COX8C: variants seen among roughly 807,000 people sequenced by gnomAD.
The protein encoded by COX8C is cytochrome c oxidase subunit 8C, mitochondrial.
In COX8C, 3 loss-of-function variants were observed where a neutral mutation model predicts 3.5. The observed-to-expected ratio is 0.86, with a 90% CI of 0.39 to 2.24. COX8C has a LOEUF of 2.24. Among genes scored for constraint, COX8C ranks in the 30% most tolerant of loss-of-function variants. COX8C has a pLI of 0.05. For synonymous variants in COX8C, 46 were observed against 44.1 expected (o/e 1.04, Z -0.17); for missense variants, 113 against 102.5 (o/e 1.10, Z -0.44).
chr14:93,347,416 A>C, intron 1 of COX8C, 22 bp downstream of exon 1: 2 of 1,473,044 alleles, frequency 1.4e-6, no homozygotes. Flanking sequence ...CCCAGCCATC[A>C]TGGTGGGCGG....
Position 93,347,340 on chromosome 14 carries a change from C to T in COX8C, c.72C>T (p.Pro24=), listed in dbSNP as rs756228388. ...YRRLALLGLQ[P]APRFAHSGPP... ...GCTTGGCCCTGCTCGGCCTGCAGCC[C>T]GCTCCCCGCTTCGCCCACTCGGGGC... The change falls in exon 1 of 2, where the codon CCC becomes CCT. Residue 24 remains proline (P), a synonymous_variant. Transcript: ENST00000342144. 8.1e-6 allele frequency: 13 copies of T among 1,599,632 alleles called. No homozygotes were observed. The highest frequency in any genetic ancestry group is 9.3e-6 in the Non-Finnish European group (11 of 1,176,998).
intron 1 of COX8C, 50 bp downstream of exon 1, chr14:93,347,444 C>T (rs1457159209): frequency 7.9e-6 from 11 of 1,400,930 alleles, no homozygotes; most frequent in Non-Finnish European, 1.0e-5. Flanking sequence ...GTGGCCCTGG[C>T]GGGGCGCCCC....
Position 93,348,349 on chromosome 14 carries a change from C to T in COX8C, c.*229C>T. The T allele has an allele frequency of 2.1e-6, 1 of 474,018 alleles. No homozygotes were observed. The allele number at this position is 474,018 out of a possible 1,614,324, so 29.4% of individuals were successfully genotyped here. A position where few individuals can be genotyped will look rare whatever the true frequency, so the allele number is the denominator to read the frequency against. On this transcript the variant is annotated 3_prime_UTR_variant, in exon 2 of 2. Transcript: ENST00000342144. ...AATAAAACGGAAACACTTATTCGTGCTTGGTAATATGTGTGCAGATTATTT... is the reference window on the plus strand; with the variant it reads ...AATAAAACGGAAACACTTATTCGTGTTTGGTAATATGTGTGCAGATTATTT...
At chr14:93,347,501 AG>A (rs2053879812) in intron 1 of COX8C, 107 bp downstream of exon 1, 1 of 1,268,002 alleles carries the variant, frequency 7.9e-7, no homozygotes, top group Non-Finnish European at 1.0e-6. Context: ...CTCGCGTGGG[AG>A]GCTCTTGTGG....
At position 93,348,032 on chromosome 14, in the gene COX8C, T is replaced by C; in HGVS notation, c.131T>C (p.Met44Thr). Residue 44 changes from methionine to threonine, a missense_variant, in exon 2 of 2, where the codon ATG becomes ACG. Coordinates refer to ENST00000342144, the MANE Select transcript of COX8C (RefSeq NM_182971.3). The part of the protein sequence containing the change: ...PRQRPLSAAE[M>T]AVGLVVFFTT... The stretch of plus-strand genomic sequence containing the variant: ...GCGTGTCATCTTCTCTTCCAGGAAA[T>C]GGCTGTTGGACTTGTGGTGTTTTTT... 1 of 1,604,872 alleles carries C rather than the reference T, an allele frequency of 6.2e-7. No homozygotes were observed. Among genetic ancestry groups the C allele is most frequent in the Non-Finnish European group, 8.5e-7 (1 of 1,171,538 alleles).
chr14:93,347,375 A>T lies in COX8C; in HGVS notation c.107A>T (p.Gln36Leu), dbSNP rs1198380771. 6.7e-7 allele frequency: 1 copy of T among 1,484,440 alleles called. No homozygotes were observed. Among genetic ancestry groups the T allele is most frequent in the South Asian group, 1.2e-5 (1 of 85,906 alleles). The allele number at this position is 1,484,440 out of a possible 1,614,324, so 92.0% of individuals were successfully genotyped here. The change falls in exon 1 of 2, where the codon CAG (glutamine) becomes CTG (leucine). Residue 36 changes from glutamine (Q) to leucine (L), a missense_variant. Gln to Leu is a moderately radical substitution (Grantham distance 113). Coordinates refer to ENST00000342144, the MANE Select transcript of COX8C (RefSeq NM_182971.3). ...TTCGCCCACTCGGGGCCCCCGCGCC[A>T]GCGGCCCCTGTCTGCCGCGGTGAGT... ...PRFAHSGPPR[Q>L]RPLSAAEMAV...
intron 1 of COX8C, among the ~76,000 whole-genome samples, 162 bp from the exon 2 acceptor site, chr14:93,347,866 T>A (rs2295704): frequency 0.16 from 24,755 of 151,784 alleles, 2,204 homozygotes; most frequent in East Asian, 0.31. Context: ...AAAAATCAGG[T>A]GATCCATGAA....
At position 93,348,021 on chromosome 14, in the gene COX8C, C is replaced by T. The variant is rs918785256; in HGVS notation, c.127-7C>T. On this transcript the variant is annotated splice_region_variant and splice_polypyrimidine_tract_variant and intron_variant, in intron 1 of 1. Coordinates refer to ENST00000342144, the MANE Select transcript of COX8C (RefSeq NM_182971.3). ...TACTCAGCAGCGCGTGTCATCTTCT[C>T]TTCCAGGAAATGGCTGTTGGACTTG... The T allele has an allele frequency of 2.5e-6, 4 of 1,590,994 alleles. No homozygotes were observed. In the African/African-American group the frequency reaches 4.0e-5, roughly 16 times the overall value.
rs2053907553 is a variant in COX8C at position 93,348,172 on chromosome 14, G to T, written c.*52G>T. 20 of 1,189,020 alleles carry T rather than the reference G, an allele frequency of 1.7e-5. No individual in the cohort carries two copies. Among genetic ancestry groups the T allele is most frequent in the Non-Finnish European group, 2.4e-5 (19 of 796,476 alleles). The allele number at this position is 1,189,020 out of a possible 1,614,324, so 73.7% of individuals were successfully genotyped here. A position where few individuals can be genotyped will look rare whatever the true frequency, so the allele number is the denominator to read the frequency against. ...AACGTCCAAAAAACTTTCAGAAAAAGCTGTGTTTTTGTTAACGAGCAAAAT... is the reference window on the plus strand; with the variant it reads ...AACGTCCAAAAAACTTTCAGAAAAATCTGTGTTTTTGTTAACGAGCAAAAT... On this transcript the variant is annotated 3_prime_UTR_variant, in exon 2 of 2. Transcript: ENST00000342144.
intron 1 of COX8C, 88 bp downstream of exon 1, chr14:93,347,482 C>A: frequency 7.5e-7 from 1 of 1,336,860 alleles, no homozygotes; most frequent in Admixed American, 3.5e-5. Flanking sequence ...GAGGACACGG[C>A]GTGCAGGCCT....
rs769596880 is a variant in COX8C, at chr14:93,348,158, A to G, written c.*38A>G. The G allele has an allele frequency of 7.8e-7, 1 of 1,290,136 alleles. No individual in the cohort carries two copies. The highest frequency in any genetic ancestry group is 1.1e-6 in the Non-Finnish European group (1 of 888,456). The allele number at this position is 1,290,136 out of a possible 1,614,324, so 79.9% of individuals were successfully genotyped here. A position where few individuals can be genotyped will look rare whatever the true frequency, so the allele number is the denominator to read the frequency against. ...GTTGAACAGCTGTTAACGTCCAAAA[A>G]ACTTTCAGAAAAAGCTGTGTTTTTG... On this transcript the variant is annotated 3_prime_UTR_variant, in exon 2 of 2. Coordinates refer to ENST00000342144, the MANE Select transcript of COX8C (RefSeq NM_182971.3).
intron 1 of COX8C, among the ~76,000 whole-genome samples, chr14:93,347,731 G>A (rs1203015645): frequency 6.6e-6 from 1 of 152,132 alleles, no homozygotes; most frequent in East Asian, 1.9e-4. Context: ...ACCATCCTCG[G>A]ACGTCCTCGG....
intron 1 of COX8C, 102 bp from the exon 2 acceptor site, chr14:93,347,926 G>T: frequency 1.4e-6 from 1 of 706,232 alleles, no homozygotes; most frequent in Admixed American, 2.1e-5. Flanking sequence ...CTAGGACAAC[G>T]GTCTAGGTGC....
At position 93,347,217 on chromosome 14, in the gene COX8C, G is replaced by GCCTCA. The variant is rs2053862473; in HGVS notation, c.-43_-39dup. 3 of 1,527,766 alleles carry GCCTCA rather than the reference G, an allele frequency of 2.0e-6. No individual in the cohort carries two copies. The highest frequency in any genetic ancestry group is 4.0e-5 in the Admixed American group (2 of 49,964). 94.6% of individuals were successfully genotyped at this position (1,527,766 alleles called of 1,614,324 possible). ...CGAGCACTGGAGCTTGCGTTACTTGGCCTCACCTCACCTGTGCTGTCCACG... is the reference window on the plus strand; with the variant it reads ...CGAGCACTGGAGCTTGCGTTACTTGGCCTCACCTCACCTCACCTGTGCTGTCCACG... On this transcript the variant is annotated 5_prime_UTR_variant, in exon 1 of 2. Coordinates refer to ENST00000342144, the MANE Select transcript of COX8C (RefSeq NM_182971.3).
At position 93,348,236 on chromosome 14, in the gene COX8C, TTCCTC is replaced by T. The variant is rs2053909638; in HGVS notation, c.*117_*121del. The T allele has an allele frequency of 4.6e-6, 3 of 658,686 alleles. No individual in the cohort carries two copies. Among genetic ancestry groups the T allele is most frequent in the Non-Finnish European group, 8.3e-6 (3 of 360,982 alleles). The allele number at this position is 658,686 out of a possible 1,614,324, so 40.8% of individuals were successfully genotyped here. A position where few individuals can be genotyped will look rare whatever the true frequency, so the allele number is the denominator to read the frequency against. On this transcript the variant is annotated 3_prime_UTR_variant, in exon 2 of 2. Coordinates refer to ENST00000342144, the MANE Select transcript of COX8C (RefSeq NM_182971.3). ...TGATGCAACCATTGTGGTATTCACT[TTCCTC>T]ATGTTTATGATGAATATTTTGCACT...
intron 1 of COX8C, 131 bp downstream of exon 1, chr14:93,347,525 T>TG: frequency 9.0e-7 from 1 of 1,109,338 alleles, no homozygotes; most frequent in East Asian, 3.3e-5. Context: ...TGGTCGCCGT[T>TG]GGGGGAGGTT....
chr14:93,348,187 A>G lies in COX8C; in HGVS notation c.*67A>G. 3 of 976,590 alleles carry G rather than the reference A, an allele frequency of 3.1e-6. No homozygotes were observed. Among genetic ancestry groups the G allele is most frequent in the Admixed American group, 3.5e-5 (2 of 56,696 alleles). 60.5% of individuals were successfully genotyped at this position (976,590 alleles called of 1,614,324 possible). On this transcript the variant is annotated 3_prime_UTR_variant, in exon 2 of 2. Coordinates refer to ENST00000342144, the MANE Select transcript of COX8C (RefSeq NM_182971.3). ...TTCAGAAAAAGCTGTGTTTTTGTTA[A>G]CGAGCAAAATTGCCTAGTTGAGTTG... is the stretch of plus-strand genomic sequence containing the variant.
At chr14:93,347,908 G>T in intron 1 of COX8C, 120 bp from the exon 2 acceptor site, 2 of 589,324 alleles carry the variant, frequency 3.4e-6, no homozygotes, top group East Asian at 2.8e-5. Flanking sequence ...TTCACTAGGC[G>T]CCTGTTTCTA....
Position 93,347,303 on chromosome 14 carries a change from G to A in COX8C, c.35G>A (p.Arg12His), listed in dbSNP as rs752878344. The A allele has an allele frequency of 6.2e-6, 10 of 1,605,418 alleles. No individual in the cohort carries two copies. In the South Asian group the frequency reaches 8.8e-5, roughly 14 times the overall value. The change falls in exon 1 of 2, where the codon CGC becomes CAC. Residue 12 changes from arginine (R) to histidine (H), a missense_variant. Transcript: ENST00000342144. The part of the protein sequence containing the change: ...PLLRGRCPAR[R>H]HYRRLALLGL... ...CTGCGTGGGCGCTGTCCTGCCCGCC[G>A]CCACTACCGCCGCTTGGCCCTGCTC...
Sources: gnomAD v4.1 joint callset for allele counts (sites outside exome capture counted in the v4.1 genomes callset) on GRCh38, gnomAD v4.1.1 for gene constraint, MANE v1.5 for transcripts, NCBI Gene and HGNC (gene_info 2026-07-23, HGNC 2026-07-21) for gene names.